GRID2: variants seen among roughly 807,000 people sequenced by gnomAD.
GRID2 encodes glutamate receptor ionotropic, delta-2.
GRID2 carries 33 observed loss-of-function variants against 114.8 expected under a neutral mutation model. The observed-to-expected ratio is 0.29, with a 90% CI of 0.22 to 0.38. The LOEUF (loss-of-function observed/expected upper bound fraction) is 0.38, where lower values mean the gene tolerates loss of function less well. GRID2 is among the 10% of genes least tolerant of loss of function. The pLI is 1.00. For missense variants in GRID2, 1,184 were observed against 1,257.7 expected (o/e 0.94, Z 0.89); for synonymous variants, 505 against 449.9 (o/e 1.12, Z -1.55).
intron 2 of GRID2, among the ~76,000 whole-genome samples, chr4:92,941,640 A>C (rs959668132): frequency 4.6e-5 from 7 of 151,996 alleles, no homozygotes; most frequent in Non-Finnish European, 1.0e-4. Flanking sequence ...TTGCTTCTCC[A>C]GTTCTTTTAA....
At chr4:92,502,207 ATTTCT>A (rs1202891527) in intron 1 of GRID2, among the ~76,000 whole-genome samples, 6 of 152,126 alleles carry the variant, frequency 3.9e-5, no homozygotes, top group African/African-American at 7.2e-5. Context: ...GTTTTCAAAA[ATTTCT>A]TTTCTATTTT....
intron 11 of GRID2, among the ~76,000 whole-genome samples, chr4:93,480,148 A>G (rs1010129632): frequency 6.6e-6 from 1 of 152,108 alleles, no homozygotes; most frequent in Non-Finnish European, 1.5e-5. Flanking sequence ...AAACTAGGAG[A>G]ATACTTAAAT....
chr4:92,443,214 G>C (rs1308958870), intron 1 of GRID2, among the ~76,000 whole-genome samples: 1 of 151,708 alleles, frequency 6.6e-6, no homozygotes, highest in Non-Finnish European at 1.5e-5. Context: ...CAGACCGTTT[G>C]CCTATTTTAT....
intron 2 of GRID2, among the ~76,000 whole-genome samples, chr4:92,970,794 C>T (rs1753458900): frequency 1.3e-5 from 2 of 151,750 alleles, no homozygotes; most frequent in Admixed American, 1.3e-4. Context: ...GAAAAGGAAT[C>T]GTTGGTAATA....
At chr4:93,357,913 A>G (rs963344091) in intron 8 of GRID2, among the ~76,000 whole-genome samples, 6 of 151,932 alleles carry the variant, frequency 3.9e-5, no homozygotes, top group Non-Finnish European at 5.9e-5. Flanking sequence ...CAAATCATAT[A>G]AAGTTTTTAC....
chr4:92,543,210 C>A (rs1423982841), intron 1 of GRID2, among the ~76,000 whole-genome samples: 1 of 152,038 alleles, frequency 6.6e-6, no homozygotes, highest in African/African-American at 2.4e-5. Flanking sequence ...TATGTTATTT[C>A]TGCTCTTCTC....
rs1374934299 is a variant in GRID2, at chr4:93,594,039, CCTT to C, written c.2194-32224_2194-32222del. Among the ~76,000 whole-genome samples the C allele has an allele frequency of 1.4e-4, 22 of 152,236 alleles. 1 individual carries two copies. The East Asian group carries it at 4.3e-3, about 30-fold the overall frequency. ...CTCAGAGTAATTTGATCGTCTGAAG[CCTT>C]CTTCTCTCAGCTCGTCAAAGTCGTT... On this transcript the variant is annotated intron_variant, in intron 13 of 15. Coordinates refer to ENST00000282020, the MANE Select transcript of GRID2 (RefSeq NM_001510.4).
At chr4:93,004,180 A>G (rs1216692442) in intron 2 of GRID2, among the ~76,000 whole-genome samples, 1 of 151,992 alleles carries the variant, frequency 6.6e-6, no homozygotes, top group South Asian at 2.1e-4. Flanking sequence ...AACCTGTATT[A>G]CAAGAAGCAC....
chr4:93,800,542 A>C (rs1462277264), intron 1 of GRID2, among the ~76,000 whole-genome samples: 1 of 152,178 alleles, frequency 6.6e-6, no homozygotes, highest in Non-Finnish European at 1.5e-5. Context: ...TTTGGTTCTT[A>C]TTTAAATAAA....
chr4:93,344,440 A>C (rs1442373074), intron 8 of GRID2, among the ~76,000 whole-genome samples: 1 of 151,660 alleles, frequency 6.6e-6, no homozygotes, highest in East Asian at 1.9e-4. Flanking sequence ...AGCTTTATTA[A>C]GGTAAAATTG....
intron 8 of GRID2, among the ~76,000 whole-genome samples, chr4:93,390,540 A>C (rs964124165): frequency 3.3e-5 from 5 of 152,328 alleles, no homozygotes; most frequent in African/African-American, 1.2e-4. Flanking sequence ...ACCCAACAGC[A>C]CACGCAAAGT....
intron 2 of GRID2, among the ~76,000 whole-genome samples, chr4:92,634,135 A>T (rs1327670129): frequency 6.6e-6 from 1 of 151,998 alleles, no homozygotes; most frequent in East Asian, 1.9e-4. Flanking sequence ...ACAACAAAAA[A>T]CAAAACTCAT....
intron 1 of GRID2, among the ~76,000 whole-genome samples, chr4:92,413,930 A>G (rs964102932): frequency 1.3e-5 from 2 of 152,142 alleles, no homozygotes; most frequent in Admixed American, 6.6e-5. Context: ...GGATTTTTTT[A>G]AATGTAGGAA....
intron 9 of GRID2, among the ~76,000 whole-genome samples, chr4:93,399,040 C>T (rs924862416): frequency 6.6e-6 from 1 of 151,874 alleles, no homozygotes; most frequent in African/African-American, 2.4e-5. Context: ...CAGCAACTCC[C>T]GAATCTTGAG....
chr4:93,492,037 A>G (rs538401493), intron 12 of GRID2, among the ~76,000 whole-genome samples: 2 of 151,948 alleles, frequency 1.3e-5, no homozygotes, highest in Admixed American at 6.6e-5. Context: ...TTTATTGTCC[A>G]TGTAAATAGA....
intron 1 of GRID2, among the ~76,000 whole-genome samples, chr4:93,801,564 ACTC>A (rs1406745419): frequency 3.3e-5 from 5 of 152,068 alleles, no homozygotes; most frequent in East Asian, 1.9e-4. Flanking sequence ...AAAATAATTA[ACTC>A]CTCCTTCTAT....
intron 2 of GRID2, among the ~76,000 whole-genome samples, chr4:92,876,868 C>T (rs565821625): frequency 1.3e-5 from 2 of 152,198 alleles, no homozygotes; most frequent in South Asian, 4.1e-4. Flanking sequence ...AAAATTTAAT[C>T]ATAAGTTATA....
In GRID2 at chr4:93,525,491, T is replaced by C. The variant is rs1730794805; in HGVS notation, c.2193+10080T>C. ...TGGACATTAATATAATAATTCAAAC[T>C]AGATGAGCAATAAGATGTAAAAAGA... On this transcript the variant is annotated intron_variant, in intron 13 of 15. Transcript: ENST00000282020. 2.6e-5 allele frequency among the ~76,000 whole-genome samples: 4 copies of C among 152,114 alleles called. No homozygotes were observed. In the South Asian group the frequency reaches 8.3e-4, roughly 32 times the overall value.
rs192493433 is a variant in GRID2, at chr4:92,384,256, T to C, written c.88+79512T>C. On this transcript the variant is annotated intron_variant, in intron 1 of 15. Transcript: ENST00000282020. Reference sequence around the variant, plus strand: ...TGTTTACTGCTGTATTTCCAATGCATGGAAGGGCACTTCAAACAAAGTAGT... The same window carrying C: ...TGTTTACTGCTGTATTTCCAATGCACGGAAGGGCACTTCAAACAAAGTAGT... Among the ~76,000 whole-genome samples the C allele has an allele frequency of 2.4e-3, 351 of 149,212 alleles. 2 individuals carry two copies. Among genetic ancestry groups the C allele is most frequent in the African/African-American group, 8.3e-3 (336 of 40,438 alleles).
Sources: allele counts gnomAD v4.1 joint callset (sites outside exome capture counted in the v4.1 genomes callset), GRCh38; gene constraint gnomAD v4.1.1; transcripts MANE v1.5; gene names NCBI Gene and HGNC (gene_info 2026-07-23, HGNC 2026-07-21).